TTC17: variants seen among roughly 807,000 people sequenced by gnomAD.
TTC17 encodes tetratricopeptide repeat protein 17.
TTC17 carries 58 observed loss-of-function variants against 143.8 expected under a neutral mutation model. That is an observed-to-expected ratio of 0.40 (90% CI 0.33 to 0.50). The LOEUF (loss-of-function observed/expected upper bound fraction) is 0.50, where lower values mean the gene tolerates loss of function less well. TTC17 is among the 20% of genes least tolerant of loss of function. The pLI is 0.49. For missense variants in TTC17, 1,273 were observed against 1,392.5 expected (o/e 0.91, Z 1.37); for synonymous variants, 501 against 497.8 (o/e 1.01, Z -0.09).
At chr11:43,490,476 G>A in intron 22 of TTC17, 118 bp downstream of exon 22, 1 of 1,411,640 alleles carries the variant, frequency 7.1e-7, no homozygotes, top group African/African-American at 1.4e-5. Flanking sequence ...ATATTCCAAG[G>A]AGAGAATGGG....
intron 16 of TTC17, among the ~76,000 whole-genome samples, chr11:43,420,563 G>T: frequency 6.6e-6 from 1 of 152,092 alleles, no homozygotes; most frequent in South Asian, 2.1e-4. Context: ...AAGATGTTAT[G>T]CCTGTACTTT....
intron 15 of TTC17, among the ~76,000 whole-genome samples, chr11:43,408,720 C>T (rs141250808): frequency 6.6e-6 from 1 of 152,014 alleles, no homozygotes; most frequent in Non-Finnish European, 1.5e-5. Context: ...ATTAATGGAT[C>T]AGGGTGGGTA....
intron 7 of TTC17, 38 bp downstream of exon 7, chr11:43,397,529 G>T: frequency 2.7e-6 from 4 of 1,458,982 alleles, no homozygotes; most frequent in Admixed American, 4.6e-5. Flanking sequence ...CATGCTAGTT[G>T]CCACTTTCTT....
intron 1 of TTC17, among the ~76,000 whole-genome samples, chr11:43,366,063 C>T (rs536565647): frequency 6.6e-6 from 1 of 151,962 alleles, no homozygotes; most frequent in African/African-American, 2.4e-5. Flanking sequence ...TCACTACAAC[C>T]TCCGCCTCCC....
chr11:43,486,600 G>A (rs1336404989), intron 21 of TTC17: 4 of 261,712 alleles, frequency 1.5e-5, no homozygotes. Flanking sequence ...AATAGTGTGT[G>A]AGGATAGAAT....
At position 43,402,828 on chromosome 11, in the gene TTC17, G is replaced by A. The variant is rs371731642; in HGVS notation, c.1333-1170G>A. On this transcript the variant is annotated intron_variant, in intron 10 of 23. Coordinates refer to ENST00000039989, the MANE Select transcript of TTC17 (RefSeq NM_018259.6). The stretch of plus-strand genomic sequence containing the variant: ...TAGAGAAAACTCATCATGTCTAATC[G>A]TAGATACAGAAATTTCCAGCAATAA... Among the ~76,000 whole-genome samples the A allele has an allele frequency of 3.4e-4, 51 of 152,162 alleles. No homozygotes were observed. In the South Asian group the frequency reaches 3.7e-3, roughly 11 times the overall value.
chr11:43,445,842 G>C, intron 18 of TTC17: 1 of 716,674 alleles, frequency 1.4e-6, no homozygotes, highest in South Asian at 1.5e-5. Context: ...TGAGCCCATG[G>C]GGGAAAAATG....
rs1858105601 is a variant in TTC17 at position 43,405,917 on chromosome 11, T to G, written c.1727T>G (p.Leu576Arg). 1 of 1,613,188 alleles carries G rather than the reference T, an allele frequency of 6.2e-7. No homozygotes were observed. Among genetic ancestry groups the G allele is most frequent in the African/African-American group, 1.3e-5 (1 of 74,874 alleles). The change falls in exon 13 of 24, where the codon CTG (leucine) becomes CGG (arginine). Residue 576 changes from leucine to arginine, a missense_variant. Around this residue, in one of 3 missense-constraint regions of TTC17, gnomAD observed 878 missense variants for 899.8 expected, o/e 0.98. Transcript: ENST00000039989. Reference protein sequence around the residue: ...LVKELEVRMDLKAKMPDDHAR... With the variant: ...LVKELEVRMDRKAKMPDDHAR... ...AAAGAATTAGAGGTTCGCATGGATC[T>G]GAAAGCCAAAATGCCAGATGACCAT...
chr11:43,430,719 A>ACACACACACACG (rs1947137508), intron 16 of TTC17, among the ~76,000 whole-genome samples: 1 of 148,052 alleles, frequency 6.8e-6, no homozygotes, highest in South Asian at 2.1e-4. Flanking sequence ...GCACACACAC[A>ACACACACACACG]CACACACACA....
chr11:43,455,177 TAAG>T (rs1381939299), intron 21 of TTC17, among the ~76,000 whole-genome samples: 1 of 151,488 alleles, frequency 6.6e-6, no homozygotes, highest in Non-Finnish European at 1.5e-5. Flanking sequence ...AAAGAGAAAA[TAAG>T]AAATTTAGAA....
intron 18 of TTC17, among the ~76,000 whole-genome samples, chr11:43,447,009 C>G (rs1285089804): frequency 1.3e-5 from 2 of 152,094 alleles, no homozygotes. Flanking sequence ...GTTTTCTCAT[C>G]TGAGAAATGA....
intron 19 of TTC17, chr11:43,449,155 T>TA (rs1947608397): frequency 1.3e-5 from 2 of 152,260 alleles, no homozygotes; most frequent in Non-Finnish European, 2.9e-5. Flanking sequence ...ATTCTTCAAA[T>TA]ATAAGTCAAA....
chr11:43,383,832 G>A (rs11607970), intron 2 of TTC17, among the ~76,000 whole-genome samples: 14,051 of 151,520 alleles, frequency 0.093, 804 homozygotes, highest in Middle Eastern at 0.16. Flanking sequence ...ATTTACTGAC[G>A]AAAACCAAAA....
At chr11:43,442,595 C>T (rs1947447224) in intron 16 of TTC17, among the ~76,000 whole-genome samples, 1 of 152,054 alleles carries the variant, frequency 6.6e-6, no homozygotes, top group Non-Finnish European at 1.5e-5. Context: ...CCTGAGCTTC[C>T]TTGTTATTCA....
At chr11:43,411,601 C>T (rs1039747237) in intron 15 of TTC17, among the ~76,000 whole-genome samples, 1 of 152,156 alleles carries the variant, frequency 6.6e-6, no homozygotes, top group African/African-American at 2.4e-5. Context: ...ATAGTAAATA[C>T]TCACTACTTA....
chr11:43,478,034 C>T (rs1948217146), intron 21 of TTC17, among the ~76,000 whole-genome samples: 1 of 152,054 alleles, frequency 6.6e-6, no homozygotes, highest in African/African-American at 2.4e-5. Flanking sequence ...CCCACTCTTC[C>T]CCCAAAAGTT....
intron 15 of TTC17, among the ~76,000 whole-genome samples, chr11:43,412,806 G>A (rs1445720689): frequency 6.6e-6 from 1 of 152,150 alleles, no homozygotes; most frequent in Non-Finnish European, 1.5e-5. Context: ...AACTTGTAAA[G>A]GGAGATATAC....
chr11:43,430,308 G>A (rs1947124089), intron 16 of TTC17, among the ~76,000 whole-genome samples: 1 of 152,106 alleles, frequency 6.6e-6, no homozygotes, highest in Non-Finnish European at 1.5e-5. Context: ...TGCACCTGTA[G>A]TCCCAGCTAC....
intron 21 of TTC17, among the ~76,000 whole-genome samples, chr11:43,477,096 A>C (rs565212362): frequency 4.7e-4 from 72 of 152,304 alleles, no homozygotes; most frequent in African/African-American, 1.5e-3. Context: ...GACAGGGGCA[A>C]AATGCCACCA....
Sources: gnomAD v4.1 joint callset for allele counts (sites outside exome capture counted in the v4.1 genomes callset) on GRCh38, gnomAD v4.1.1 for gene constraint, gnomAD v4.1.1 regional missense constraint, MANE v1.5 for transcripts, NCBI Gene and HGNC (gene_info 2026-07-23, HGNC 2026-07-21) for gene names.